Variants in TIAM2 observed in about 807,000 individuals in gnomAD.
The protein encoded by TIAM2 is rho guanine nucleotide exchange factor TIAM2.
Under a neutral mutation model 152.9 loss-of-function variants are expected in TIAM2, and 80 were observed. That is an observed-to-expected ratio of 0.52 (90% CI 0.44 to 0.63). TIAM2 has a LOEUF of 0.63. Among genes scored for constraint, TIAM2 ranks in the 30% least tolerant of loss-of-function variants. TIAM2 has a pLI of 0.00. For synonymous variants in TIAM2, 804 were observed against 838.0 expected, an observed-to-expected ratio of 0.96 and a Z score of 0.70; for missense variants, 1,965 against 2,120.1, an observed-to-expected ratio of 0.93 and a Z score of 1.44.
Position 155,254,012 on chromosome 6 carries a change from A to G in TIAM2, c.4265A>G (p.Lys1422Arg). The change falls in exon 25 of 27, where the codon AAG becomes AGG. Residue 1422 changes from lysine to arginine, a missense_variant. Lys to Arg is a conservative substitution (Grantham distance 26). This residue lies in a region of TIAM2 where 935 missense variants were observed against 980.0 expected (regional missense o/e 0.95). Coordinates refer to ENST00000682666, the MANE Select transcript of TIAM2 (RefSeq NM_012454.4). ...NNSIWELIHTKSEIEGRPETI... is the reference protein window; with the variant it reads ...NNSIWELIHTRSEIEGRPETI... Reference sequence around the variant, plus strand: ...TCCATATGGGAACTGATCCATACGAAGTCAGAAATAGAAGGACGGCCAGAA... The same window carrying G: ...TCCATATGGGAACTGATCCATACGAGGTCAGAAATAGAAGGACGGCCAGAA... 6.2e-7 allele frequency: 1 copy of G among 1,614,190 alleles called. No individual in the cohort carries two copies. Among genetic ancestry groups the G allele is most frequent in the Non-Finnish European group, 8.5e-7 (1 of 1,180,014 alleles).
chr6:155,085,620 A>C (rs1170580257), intron 1 of TIAM2, among the ~76,000 whole-genome samples: 1 of 152,180 alleles, frequency 6.6e-6, no homozygotes, highest in Non-Finnish European at 1.5e-5. Flanking sequence ...TCAGCTTTCG[A>C]GTAGGACATG....
intron 1 of TIAM2, among the ~76,000 whole-genome samples, chr6:155,029,608 A>T (rs1478619187): frequency 9.4e-5 from 7 of 74,360 alleles, no homozygotes; most frequent in African/African-American, 3.5e-4. Flanking sequence ...TAGTTATATA[A>T]CTCTGTATAT....
intron 2 of TIAM2, among the ~76,000 whole-genome samples, chr6:155,109,943 A>G (rs1455853528): frequency 1.7e-5 from 2 of 114,970 alleles, no homozygotes; most frequent in South Asian, 6.2e-4. Context: ...ACAAATGCAC[A>G]GACTTTTTTT....
intron 2 of TIAM2, among the ~76,000 whole-genome samples, chr6:155,116,983 C>T (rs1779029258): frequency 6.6e-6 from 1 of 150,702 alleles, no homozygotes; most frequent in Admixed American, 6.6e-5. Flanking sequence ...GGATGTTGGA[C>T]AAGTTTTAGC....
intron 1 of TIAM2, among the ~76,000 whole-genome samples, chr6:155,028,381 T>C (rs1375701693): frequency 8.3e-6 from 1 of 119,862 alleles, no homozygotes; most frequent in Non-Finnish European, 1.7e-5. Context: ...ATATACTGTG[T>C]TACATATATA....
intron 1 of TIAM2, among the ~76,000 whole-genome samples, chr6:155,003,323 C>T (rs13207940): frequency 0.46 from 70,391 of 151,814 alleles, 17,823 homozygotes; most frequent in Non-Finnish European, 0.56. Context: ...GTCACCTAAA[C>T]ATTTGAGGGA....
At chr6:155,050,854 C>T (rs551205538) in intron 1 of TIAM2, among the ~76,000 whole-genome samples, 1 of 152,338 alleles carries the variant, frequency 6.6e-6, no homozygotes, top group East Asian at 1.9e-4. Flanking sequence ...CCATTCTAGT[C>T]AGTCTTGCTG....
chr6:155,135,574 G>C (rs1028409977), intron 4 of TIAM2, among the ~76,000 whole-genome samples: 1 of 152,286 alleles, frequency 6.6e-6, no homozygotes, highest in Non-Finnish European at 1.5e-5. Flanking sequence ...CCAGTGAAAA[G>C]CCTGTATGCA....
chr6:155,065,762 G>C (rs1049562992), intron 1 of TIAM2, among the ~76,000 whole-genome samples: 1 of 152,062 alleles, frequency 6.6e-6, no homozygotes, highest in African/African-American at 2.4e-5. Flanking sequence ...GAATAAGACT[G>C]TCTCTCCCCA....
chr6:155,105,123 A>G (rs561836801), intron 2 of TIAM2, among the ~76,000 whole-genome samples: 22 of 151,466 alleles, frequency 1.5e-4, no homozygotes, highest in African/African-American at 4.9e-4. Flanking sequence ...CACCTGGCTA[A>G]TTTTTTGTAT....
intron 10 of TIAM2, among the ~76,000 whole-genome samples, chr6:155,177,487 A>G (rs1253728338): frequency 6.6e-6 from 1 of 152,226 alleles, no homozygotes; most frequent in Non-Finnish European, 1.5e-5. Flanking sequence ...AGTTTATGGT[A>G]AGTCTTAAAG....
At chr6:155,111,639 C>T (rs964532837) in intron 2 of TIAM2, among the ~76,000 whole-genome samples, 14 of 152,178 alleles carry the variant, frequency 9.2e-5, no homozygotes. Context: ...GGCAGTTGCT[C>T]TAGAGCCACC....
intron 13 of TIAM2, 96 bp downstream of exon 13, chr6:155,182,414 A>G (rs1780925011): frequency 9.0e-7 from 1 of 1,114,510 alleles, no homozygotes. Flanking sequence ...TTTGTCAGAA[A>G]AAGGTTGCTC....
chr6:155,089,335 T>C (rs1004186881), intron 1 of TIAM2, among the ~76,000 whole-genome samples: 15 of 152,072 alleles, frequency 9.9e-5, no homozygotes, highest in African/African-American at 3.6e-4. Context: ...GCCTCCCAAG[T>C]AGTGGGGACT....
chr6:155,186,321 G>A lies in TIAM2; in HGVS notation c.3064+2821G>A, dbSNP rs779164682. Reference sequence around the variant, plus strand: ...TTACCCTGGTGGAAACGGTTCTGAGGTGCAGTCTACACAGCTCTGCAGATG... The same window carrying A: ...TTACCCTGGTGGAAACGGTTCTGAGATGCAGTCTACACAGCTCTGCAGATG... On this transcript the variant is annotated intron_variant, in intron 14 of 26. Coordinates refer to ENST00000682666, the MANE Select transcript of TIAM2 (RefSeq NM_012454.4). This position sits in a 1 kb window ranked among gnomAD's most constrained non-coding sequence, Gnocchi z 4.5. 2.0e-5 allele frequency among the ~76,000 whole-genome samples: 3 copies of A among 152,124 alleles called. No individual in the cohort carries two copies. Among genetic ancestry groups the A allele is most frequent in the Non-Finnish European group, 4.4e-5 (3 of 68,018 alleles).
chr6:155,144,830 A>G (rs777248859), intron 6 of TIAM2, 52 bp downstream of exon 6: 1 of 1,532,868 alleles, frequency 6.5e-7, no homozygotes, highest in Non-Finnish European at 8.7e-7. Flanking sequence ...CTGCTAGAAT[A>G]AGAAGGAACA....
At chr6:155,235,669 C>T (rs1344491333) in intron 15 of TIAM2, among the ~76,000 whole-genome samples, 1 of 152,240 alleles carries the variant, frequency 6.6e-6, no homozygotes, top group African/African-American at 2.4e-5. Context: ...CTCCCTTAGA[C>T]AACAGCTAAA....
rs117385641 is a variant in TIAM2, at chr6:155,032,471, G to A, written c.-209+36979G>A. On this transcript the variant is annotated intron_variant, in intron 1 of 26. Transcript: ENST00000682666. ...CTGTCAAAAGAATGCAGTAGGAATC[G>A]TCTGAGAATGAGCAGGGTTTGTGTT... is the stretch of plus-strand genomic sequence containing the variant. Among the ~76,000 whole-genome samples, 5 of 152,274 alleles carry A rather than the reference G, an allele frequency of 3.3e-5. No individual in the cohort carries two copies. In the East Asian group the frequency reaches 7.7e-4, roughly 23 times the overall value.
At chr6:155,028,449 T>A (rs1366896224) in intron 1 of TIAM2, among the ~76,000 whole-genome samples, 1 of 139,704 alleles carries the variant, frequency 7.2e-6, no homozygotes, top group Non-Finnish European at 1.5e-5. Flanking sequence ...GTGTTACATA[T>A]ACTACATATA....
Sources: allele counts gnomAD v4.1 joint callset (sites outside exome capture counted in the v4.1 genomes callset), GRCh38; gene constraint gnomAD v4.1.1; regional missense constraint gnomAD v4.1.1; non-coding constraint Gnocchi (gnomAD v3.1); transcripts MANE v1.5; gene names NCBI Gene and HGNC (gene_info 2026-07-23, HGNC 2026-07-21).